Variants in OSBPL9 observed in about 807,000 individuals in gnomAD.
OSBPL9 encodes oxysterol-binding protein-related protein 9.
In OSBPL9, 40 loss-of-function variants were observed where a neutral mutation model predicts 106.6. That is an observed-to-expected ratio of 0.38 (90% CI 0.29 to 0.49). The LOEUF (loss-of-function observed/expected upper bound fraction) is 0.49, where lower values mean the gene tolerates loss of function less well. Ranked by LOEUF, OSBPL9 falls within the 20% of genes least tolerant of loss-of-function variation. The pLI is 0.97. For synonymous variants in OSBPL9, 269 were observed against 295.4 expected, an observed-to-expected ratio of 0.91 and a Z score of 0.92; for missense variants, 609 against 887.2, an observed-to-expected ratio of 0.69 and a Z score of 3.98.
At position 51,608,175 on chromosome 1, in the gene OSBPL9, C is replaced by T. The variant is rs1464318368; in HGVS notation, c.-352-6130C>T. The stretch of plus-strand genomic sequence containing the variant: ...TTGCCTCTTAGTGTGCATGCTTGAG[C>T]CCACTCATCCAACTCCTGAGATCTT... On this transcript the variant is annotated intron_variant, in intron 2 of 25. Transcript: ENST00000371714. Among the ~76,000 whole-genome samples, 7 of 152,202 alleles carry T rather than the reference C, an allele frequency of 4.6e-5. No homozygotes were observed. The East Asian group carries it at 1.3e-3, about 29-fold the overall frequency.
chr1:51,529,918 AC>A, the OSBPL9 span, among the ~76,000 whole-genome samples: 1 of 151,352 alleles, frequency 6.6e-6, no homozygotes, highest in Non-Finnish European at 1.5e-5. Flanking sequence ...ACGCCTGTAA[AC>A]CCAGCACTTT....
the OSBPL9 span, chr1:51,566,019 T>C: frequency 1.3e-5 from 2 of 152,198 alleles, no homozygotes; most frequent in African/African-American, 4.8e-5. Flanking sequence ...TATTGATAAC[T>C]TAAGAGTCAA....
chr1:51,760,653 T>G (rs765458531), intron 9 of OSBPL9, 37 bp from the exon 10 acceptor site: 1 of 1,612,542 alleles, frequency 6.2e-7, no homozygotes, highest in South Asian at 1.1e-5. Context: ...GAAGAGCATT[T>G]AATTAAAAAT....
At chr1:51,570,674 C>CT in the OSBPL9 span, among the ~76,000 whole-genome samples, 6 of 152,222 alleles carry the variant, frequency 3.9e-5, no homozygotes, top group African/African-American at 1.4e-4. Context: ...TGTTAACTCT[C>CT]TGAGTCTCAG....
intron 2 of OSBPL9, among the ~76,000 whole-genome samples, chr1:51,607,393 C>T (rs573088632): frequency 3.5e-4 from 53 of 152,184 alleles, no homozygotes; most frequent in African/African-American, 1.3e-3. Flanking sequence ...AACTCCTGAC[C>T]TCAAGTGATC....
Position 51,746,776 on chromosome 1 carries a change from C to T in OSBPL9, c.462+19C>T. The T allele has an allele frequency of 1.3e-6, 2 of 1,586,996 alleles. No homozygotes were observed. The highest frequency in any genetic ancestry group is 1.7e-6 in the Non-Finnish European group (2 of 1,166,282). ...GAGAAAGGTAACTTCCATAACCGTG[C>T]TTTTGACGTTAAAAATTTTAAATTC... On this transcript the variant is annotated intron_variant, in intron 6 of 23. Coordinates refer to ENST00000428468, the MANE Select transcript of OSBPL9 (RefSeq NM_024586.6).
At chr1:51,620,918 G>A (rs192287496) in intron 1 of OSBPL9, among the ~76,000 whole-genome samples, 18 of 151,928 alleles carry the variant, frequency 1.2e-4, no homozygotes, top group African/African-American at 9.7e-5. Context: ...TGGTAGAGAC[G>A]GGGTTTCACC....
intron 2 of OSBPL9, among the ~76,000 whole-genome samples, chr1:51,611,393 T>C (rs935724765): frequency 1.1e-4 from 17 of 152,214 alleles, no homozygotes; most frequent in African/African-American, 3.9e-4. Context: ...AAAACAACAC[T>C]GTAGGAATGT....
chr1:51,593,904 TCACA>T (rs58936844), intron 1 of OSBPL9, among the ~76,000 whole-genome samples: 1,668 of 140,164 alleles, frequency 0.012, 20 homozygotes, highest in African/African-American at 0.021. Context: ...TAATCAGATT[TCACA>T]CACACACACA....
chr1:51,606,359 C>T (rs1557582466), intron 2 of OSBPL9, among the ~76,000 whole-genome samples: 1 of 152,236 alleles, frequency 6.6e-6, no homozygotes, highest in Non-Finnish European at 1.5e-5. Flanking sequence ...CTATCTTTAG[C>T]ACTTCAGGAT....
intron 3 of OSBPL9, among the ~76,000 whole-genome samples, chr1:51,678,658 C>G (rs570364169): frequency 1.1e-4 from 17 of 152,148 alleles, no homozygotes; most frequent in South Asian, 6.2e-4. Context: ...AAGACTCTGT[C>G]TCCAAAAATA....
chr1:51,650,503 C>G (rs1365984286), intron 1 of OSBPL9, among the ~76,000 whole-genome samples: 3 of 152,076 alleles, frequency 2.0e-5, no homozygotes, highest in Non-Finnish European at 2.9e-5. Flanking sequence ...GTAAAGAACT[C>G]TTTTCAACTC....
At chr1:51,621,132 T>A (rs1644404060) in intron 1 of OSBPL9, among the ~76,000 whole-genome samples, 1 of 152,218 alleles carries the variant, frequency 6.6e-6, no homozygotes, top group Non-Finnish European at 1.5e-5. Context: ...CTTGTTTTAT[T>A]AGTACTCCCA....
chr1:51,618,024 G>GTGTGTGTGTGTGTGTGTGT (rs1553150728), intron 1 of OSBPL9, among the ~76,000 whole-genome samples: 1 of 150,418 alleles, frequency 6.6e-6, no homozygotes, highest in African/African-American at 2.4e-5. Flanking sequence ...GTGTGTGTGT[G>GTGTGTGTGTGTGTGTGTGT]GTTTTTTTTT....
intron 1 of OSBPL9, among the ~76,000 whole-genome samples, chr1:51,644,989 G>A (rs181840390): frequency 6.6e-6 from 1 of 152,272 alleles, no homozygotes; most frequent in Non-Finnish European, 1.5e-5. Flanking sequence ...GGAAGTGGGG[G>A]CTAATGGAAA....
At chr1:51,637,524 A>G (rs962623248) in intron 1 of OSBPL9, among the ~76,000 whole-genome samples, 3 of 152,370 alleles carry the variant, frequency 2.0e-5, no homozygotes, top group Middle Eastern at 6.8e-3. Context: ...AAAAGAACCA[A>G]TATCATAAGA....
rs910076394 is a variant in OSBPL9 at position 51,588,544 on chromosome 1, CAG to C, written c.-422-9579_-422-9578del. On this transcript the variant is annotated intron_variant, in intron 1 of 25. Transcript: ENST00000371714. ...GTGTGCACCTGTGATTTTAACTACT[CAG>C]GGGCTGAAGTGGGATGGTCACTTGA... Among the ~76,000 whole-genome samples the C allele has an allele frequency of 1.2e-4, 19 of 152,054 alleles. 1 individual carries two copies. In the South Asian group the frequency reaches 3.5e-3, roughly 28 times the overall value.
chr1:51,567,181 G>A, the OSBPL9 span: 1 of 152,208 alleles, frequency 6.6e-6, no homozygotes, highest in South Asian at 2.1e-4. Context: ...TACCTAAGAA[G>A]TATTTCCTTA....
At chr1:51,734,438 G>GT (rs1248094857) in intron 4 of OSBPL9, among the ~76,000 whole-genome samples, 3 of 152,174 alleles carry the variant, frequency 2.0e-5, no homozygotes, top group African/African-American at 7.2e-5. Flanking sequence ...TTGTCATACC[G>GT]TGGAGGACTT....
Sources: gnomAD v4.1 joint callset for allele counts (sites outside exome capture counted in the v4.1 genomes callset) on GRCh38, gnomAD v4.1.1 for gene constraint, MANE v1.5 for transcripts, NCBI Gene and HGNC (gene_info 2026-07-23, HGNC 2026-07-21) for gene names.